MAP4K1: variants seen among roughly 807,000 people sequenced by gnomAD.
MAP4K1 encodes mitogen-activated protein kinase kinase kinase kinase 1, also known as MAPK/ERK kinase kinase kinase 1.
Under a neutral mutation model 122.8 loss-of-function variants are expected in MAP4K1, and 35 were observed. The observed-to-expected ratio is 0.29, with a 90% CI of 0.22 to 0.38. The LOEUF (loss-of-function observed/expected upper bound fraction) is 0.38, where lower values mean the gene tolerates loss of function less well. Among genes scored for constraint, MAP4K1 ranks in the 10% least tolerant of loss-of-function variants. The probability of loss-of-function intolerance (pLI) is 1.00; values close to 1 mark genes in which losing one functional copy is unlikely to be tolerated. For synonymous variants in MAP4K1, 412 were observed against 421.3 expected (o/e 0.98, Z 0.27); for missense variants, 791 against 1,072.6 (o/e 0.74, Z 3.67).
At chr19:38,595,327 T>A (rs1381319027) in intron 29 of MAP4K1, among the ~76,000 whole-genome samples, 158 bp downstream of exon 29, 1 of 151,878 alleles carries the variant, frequency 6.6e-6, no homozygotes, top group Non-Finnish European at 1.5e-5. Flanking sequence ...AAAAAATAAA[T>A]CCTGGGGCAA....
chr19:38,596,455 G>T lies in MAP4K1; in HGVS notation c.1973C>A (p.Ser658Tyr). 1 of 1,580,484 alleles carries T rather than the reference G, an allele frequency of 6.3e-7. No homozygotes were observed. Among genetic ancestry groups the T allele is most frequent in the Admixed American group, 1.8e-5 (1 of 56,664 alleles). The part of the protein sequence containing the change: ...QVLFPLPTPL[S>Y]VFALLTGPGS... ...TGGCCCGGTCAGCAGCGCGAACACG[G>T]ACAGAGGCGTCGGCAGTGGGAACAG... The change falls in exon 26 of 31, where the codon TCC (serine) becomes TAC (tyrosine). Residue 658 changes from serine to tyrosine, a missense_variant. This residue lies in a region of MAP4K1 where 267 missense variants were observed against 323.0 expected (regional missense o/e 0.83). Transcript: ENST00000396857.
At chr19:38,614,619 G>A in intron 4 of MAP4K1, 174 bp from the exon 5 acceptor site, 1 of 681,328 alleles carries the variant, frequency 1.5e-6, no homozygotes, top group South Asian at 1.7e-5. Flanking sequence ...AGGCAGCAAT[G>A]CAAATAAAAG....
Position 38,587,688 on chromosome 19 carries a change from C to A in MAP4K1, c.*60G>T. ...TTGGGAGATGAGGACATGCCATGAC[C>A]ACTAGTGTGTCTATGGGGGAGGGGG... On this transcript the variant is annotated 3_prime_UTR_variant, in exon 31 of 31. Coordinates refer to ENST00000396857, the MANE Select transcript of MAP4K1 (RefSeq NM_001042600.3). 1 of 1,288,454 alleles carries A rather than the reference C, an allele frequency of 7.8e-7. No individual in the cohort carries two copies. The highest frequency in any genetic ancestry group is 1.2e-5 in the South Asian group (1 of 84,034). 79.8% of individuals were successfully genotyped at this position (1,288,454 alleles called of 1,614,324 possible). A position where few individuals can be genotyped will look rare whatever the true frequency, so the allele number is the denominator to read the frequency against.
In MAP4K1 at chr19:38,616,280, GAAT is replaced by G. The variant is rs1269529532; in HGVS notation, c.249-24_249-22del. On this transcript the variant is annotated intron_variant, in intron 3 of 30. Coordinates refer to ENST00000396857, the MANE Select transcript of MAP4K1 (RefSeq NM_001042600.3). ...GCAACCTGCAGTGGTTCAAGAGTAA[GAAT>G]AATAATAGCAGTAAATACATTATTA... 3 of 1,591,630 alleles carry G rather than the reference GAAT, an allele frequency of 1.9e-6. No homozygotes were observed. The African/African-American group carries it at 4.0e-5, about 21-fold the overall frequency.
chr19:38,615,720 G>T (rs1199392315), intron 4 of MAP4K1, among the ~76,000 whole-genome samples: 1 of 152,072 alleles, frequency 6.6e-6, no homozygotes, highest in Non-Finnish European at 1.5e-5. Context: ...GAGGTCTAGG[G>T]CTGGAAGGAA....
chr19:38,595,244 G>A (rs370507550), intron 29 of MAP4K1, among the ~76,000 whole-genome samples: 23 of 152,060 alleles, frequency 1.5e-4, no homozygotes, highest in Admixed American at 1.0e-3. Context: ...AGCCGGGATC[G>A]CACCACTGCA....
chr19:38,589,421 T>C (rs1451609908), intron 30 of MAP4K1: 2 of 144,604 alleles, frequency 1.4e-5, no homozygotes, highest in Non-Finnish European at 3.1e-5. Flanking sequence ...AAGATACTTC[T>C]TTTTTTTTTT....
At chr19:38,588,773 T>C (rs1974610802) in intron 30 of MAP4K1, among the ~76,000 whole-genome samples, 1 of 142,240 alleles carries the variant, frequency 7.0e-6, no homozygotes, top group Non-Finnish European at 1.5e-5. Flanking sequence ...AAAAAATTTA[T>C]CCAGGCATGG....
At chr19:38,589,298 G>A (rs1014492058) in intron 30 of MAP4K1, 4 of 266,032 alleles carry the variant, frequency 1.5e-5, no homozygotes, top group Non-Finnish European at 2.3e-5. Context: ...GTGAGACTCT[G>A]ACTCAAAACA....
chr19:38,590,436 T>TATATATATATATA, intron 30 of MAP4K1, among the ~76,000 whole-genome samples: 1 of 110,658 alleles, frequency 9.0e-6, no homozygotes, highest in African/African-American at 3.7e-5. Context: ...TATATATATA[T>TATATATATATATA]AATCACGGGC....
At chr19:38,602,540 A>G (rs1975106427) in intron 19 of MAP4K1, among the ~76,000 whole-genome samples, 1 of 147,668 alleles carries the variant, frequency 6.8e-6, no homozygotes, top group South Asian at 2.1e-4. Context: ...ATATATACAC[A>G]TATACATATA....
In MAP4K1 at chr19:38,614,254, C is replaced by T; in HGVS notation, c.408G>A (p.Arg136=). The stretch of plus-strand genomic sequence containing the variant: ...TACACCCCCAGACCACCTTGATGTC[C>T]CTGTGTATCTTCTTCTGTGAGTGCA... ...AYLHSQKKIH[R]DIKGANILIN... Residue 136 remains arginine (R), a synonymous_variant, in exon 6 of 31, where the codon AGG becomes AGA. Coordinates refer to ENST00000396857, the MANE Select transcript of MAP4K1 (RefSeq NM_001042600.3). The T allele has an allele frequency of 6.2e-7, 1 of 1,614,156 alleles. No individual in the cohort carries two copies.
intron 30 of MAP4K1, among the ~76,000 whole-genome samples, chr19:38,592,917 C>CAATAAATA (rs144296421): frequency 0.011 from 1,598 of 151,242 alleles, 28 homozygotes; most frequent in African/African-American, 0.033. Flanking sequence ...AACTCCATCT[C>CAATAAATA]AATAAATAAA....
rs571022349 is a variant in MAP4K1, at chr19:38,597,161, C to G, written c.1838-24G>C. The stretch of plus-strand genomic sequence containing the variant: ...CGCTGTGGCATGGGCAAGGATGAGT[C>G]AAGATCAATGCCCTCTATCCTCCTC... On this transcript the variant is annotated intron_variant, in intron 24 of 30. Coordinates refer to ENST00000396857, the MANE Select transcript of MAP4K1 (RefSeq NM_001042600.3). This position sits in a 1 kb window ranked among gnomAD's most constrained non-coding sequence, Gnocchi z 4.6. 6.2e-7 allele frequency: 1 copy of G among 1,610,992 alleles called. No individual in the cohort carries two copies. The highest frequency in any genetic ancestry group is 1.3e-5 in the African/African-American group (1 of 74,986).
At chr19:38,593,393 G>C (rs963679035) in intron 29 of MAP4K1, 56 bp from the exon 30 acceptor site, 3 of 1,483,828 alleles carry the variant, frequency 2.0e-6, no homozygotes, top group Non-Finnish European at 2.8e-6. Flanking sequence ...CTGTCACTAC[G>C]AACATGGCTC....
At chr19:38,612,521 G>A (rs1436009331) in intron 9 of MAP4K1, 90 bp downstream of exon 9, 1 of 1,329,540 alleles carries the variant, frequency 7.5e-7, no homozygotes, top group Non-Finnish European at 1.0e-6. Context: ...CTGAATTGGA[G>A]GTTCCTGGGA....
rs1599724175 is a variant in MAP4K1, at chr19:38,617,339, T to G, written c.248+15A>C. 6.2e-7 allele frequency: 1 copy of G among 1,603,466 alleles called. No homozygotes were observed. The highest frequency in any genetic ancestry group is 8.5e-7 in the Non-Finnish European group (1 of 1,171,290). Reference sequence around the variant, plus strand: ...GGGCTGGGCTGGGTGCCAGGGTGGGTCTGAGGTTCATCACCAGAGATAACT... The same window carrying G: ...GGGCTGGGCTGGGTGCCAGGGTGGGGCTGAGGTTCATCACCAGAGATAACT... On this transcript the variant is annotated intron_variant, in intron 3 of 30. Transcript: ENST00000396857. The surrounding 1 kb of genome is among the most constrained non-coding windows in gnomAD (Gnocchi z 4.1).
rs569611578 is a variant in MAP4K1, at chr19:38,614,382, C to T, written c.369+8G>A. On this transcript the variant is annotated splice_region_variant and intron_variant, in intron 5 of 30. Transcript: ENST00000396857. The stretch of plus-strand genomic sequence containing the variant: ...TCCCATCCCCAGAATCCCCAGGCCT[C>T]TCCTTACCTGGAGCACTTCCCGGCA... 1.2e-6 allele frequency: 2 copies of T among 1,614,234 alleles called. No individual in the cohort carries two copies. Among genetic ancestry groups the T allele is most frequent in the East Asian group, 2.2e-5 (1 of 44,882 alleles).
rs1325196465 is a variant in MAP4K1 at position 38,597,665 on chromosome 19, C to T, written c.1670-71G>A. The T allele has an allele frequency of 3.0e-6, 3 of 1,008,868 alleles. No homozygotes were observed. In the East Asian group the frequency reaches 7.6e-5, roughly 25 times the overall value. The allele number at this position is 1,008,868 out of a possible 1,614,324, so 62.5% of individuals were successfully genotyped here. A position where few individuals can be genotyped will look rare whatever the true frequency, so the allele number is the denominator to read the frequency against. On this transcript the variant is annotated intron_variant, in intron 22 of 30. Coordinates refer to ENST00000396857, the MANE Select transcript of MAP4K1 (RefSeq NM_001042600.3). This position sits in a 1 kb window ranked among gnomAD's most constrained non-coding sequence, Gnocchi z 4.6. Reference sequence around the variant, plus strand: ...CCATATACCACTTCCTTTCCTCCATCCCTTCCCTCAGCCCCATCCCTTTGT... The same window carrying T: ...CCATATACCACTTCCTTTCCTCCATTCCTTCCCTCAGCCCCATCCCTTTGT...
Sources: gnomAD v4.1 joint callset for allele counts (sites outside exome capture counted in the v4.1 genomes callset) on GRCh38, gnomAD v4.1.1 for gene constraint, gnomAD v4.1.1 regional missense constraint, Gnocchi (gnomAD v3.1) non-coding constraint, MANE v1.5 for transcripts, NCBI Gene and HGNC (gene_info 2026-07-23, HGNC 2026-07-21) for gene names.